NKAIN3: variants seen among roughly 807,000 people sequenced by gnomAD.
NKAIN3 encodes the protein sodium/potassium transporting ATPase interacting 3.
NKAIN3 carries 25 observed loss-of-function variants against 30.2 expected under a neutral mutation model. The observed-to-expected ratio is 0.83, with a 90% CI of 0.60 to 1.16. The LOEUF (loss-of-function observed/expected upper bound fraction) is 1.16, where lower values mean the gene tolerates loss of function less well. Ranked by LOEUF, NKAIN3 falls within the 50% of genes most tolerant of loss-of-function variation. The pLI is 0.00. For synonymous variants in NKAIN3, 91 were observed against 89.6 expected (o/e 1.02, Z -0.09); for missense variants, 225 against 254.1 (o/e 0.89, Z 0.78).
intron 1 of NKAIN3, among the ~76,000 whole-genome samples, chr8:62,325,663 A>G (rs1815092526): frequency 6.6e-6 from 1 of 151,964 alleles, no homozygotes; most frequent in African/African-American, 2.4e-5. Context: ...TGACTTTTTA[A>G]TTATGGTCAT....
At chr8:62,290,970 G>T (rs1297484367) in intron 1 of NKAIN3, among the ~76,000 whole-genome samples, 1 of 152,004 alleles carries the variant, frequency 6.6e-6, no homozygotes, top group Non-Finnish European at 1.5e-5. Context: ...GTCTTCGGAG[G>T]GTGTATGTGC....
At chr8:62,315,246 T>A (rs184342460) in intron 1 of NKAIN3, among the ~76,000 whole-genome samples, 128 of 152,316 alleles carry the variant, frequency 8.4e-4, no homozygotes, top group African/African-American at 2.8e-3. Context: ...AAGGCTCTTA[T>A]ATAGCAACTT....
intron 1 of NKAIN3, among the ~76,000 whole-genome samples, chr8:62,564,058 G>T (rs1195869248): frequency 6.6e-6 from 1 of 152,168 alleles, no homozygotes; most frequent in Non-Finnish European, 1.5e-5. Flanking sequence ...CTTCCATAGG[G>T]ATTCAAACAC....
chr8:62,909,309 T>A (rs1821867553), intron 4 of NKAIN3, among the ~76,000 whole-genome samples: 1 of 152,108 alleles, frequency 6.6e-6, no homozygotes, highest in Non-Finnish European at 1.5e-5. Flanking sequence ...ATTAAATATA[T>A]CAAAGAAGAT....
At chr8:62,716,392 A>G (rs1189349274) in intron 3 of NKAIN3, among the ~76,000 whole-genome samples, 1 of 152,180 alleles carries the variant, frequency 6.6e-6, no homozygotes, top group Non-Finnish European at 1.5e-5. Flanking sequence ...ATTTACACCT[A>G]CAAGATTTCT....
At chr8:62,372,186 C>A (rs1034280054) in intron 1 of NKAIN3, among the ~76,000 whole-genome samples, 1 of 151,182 alleles carries the variant, frequency 6.6e-6, no homozygotes, top group South Asian at 2.1e-4. Flanking sequence ...AATCTTTTGC[C>A]TTTATGTATA....
intron 5 of NKAIN3, among the ~76,000 whole-genome samples, chr8:62,933,539 T>C (rs1440061311): frequency 1.3e-5 from 2 of 152,240 alleles, no homozygotes; most frequent in Non-Finnish European, 2.9e-5. Context: ...TTAAGCCTCT[T>C]ACCTTTTGGA....
intron 1 of NKAIN3, among the ~76,000 whole-genome samples, chr8:62,381,851 G>A (rs1333681580): frequency 2.6e-5 from 4 of 152,070 alleles, no homozygotes; most frequent in African/African-American, 4.8e-5. Flanking sequence ...GCATGTATAG[G>A]CTACTTTTTC....
intron 3 of NKAIN3, among the ~76,000 whole-genome samples, chr8:62,739,776 T>C (rs1758837555): frequency 6.6e-6 from 1 of 152,158 alleles, no homozygotes; most frequent in Admixed American, 6.5e-5. Flanking sequence ...ATTGAAAAAT[T>C]CTAGCAATAC....
chr8:62,348,809 T>C (rs143397397), intron 1 of NKAIN3, among the ~76,000 whole-genome samples: 93 of 152,310 alleles, frequency 6.1e-4, no homozygotes, highest in African/African-American at 2.0e-3. Flanking sequence ...TATTTTTAAA[T>C]ATAAGAAAAA....
chr8:62,397,790 C>T (rs1263008917), intron 1 of NKAIN3, among the ~76,000 whole-genome samples: 1 of 152,094 alleles, frequency 6.6e-6, no homozygotes, highest in Non-Finnish European at 1.5e-5. Flanking sequence ...TCTTGTGCTA[C>T]TGTGGCAAAG....
intron 1 of NKAIN3, among the ~76,000 whole-genome samples, chr8:62,419,656 C>T (rs1030606357): frequency 7.2e-5 from 11 of 152,144 alleles, no homozygotes; most frequent in African/African-American, 2.2e-4. Context: ...TTTCTGTCTG[C>T]TCTCATGGCT....
At chr8:62,513,808 C>T (rs1807892770) in intron 1 of NKAIN3, among the ~76,000 whole-genome samples, 1 of 124,622 alleles carries the variant, frequency 8.0e-6, no homozygotes, top group Admixed American at 1.1e-4. Context: ...GAGGTCAAGG[C>T]TGCAGTTGCC....
At chr8:62,589,437 A>G (rs890684355) in intron 2 of NKAIN3, among the ~76,000 whole-genome samples, 1 of 151,746 alleles carries the variant, frequency 6.6e-6, no homozygotes, top group South Asian at 2.1e-4. Flanking sequence ...AACAGAAATC[A>G]AATCAACACT....
intron 4 of NKAIN3, among the ~76,000 whole-genome samples, chr8:62,852,369 C>T (rs1022266662): frequency 3.9e-4 from 59 of 152,072 alleles, no homozygotes; most frequent in Admixed American, 1.2e-3. Flanking sequence ...GTCTTGCTAG[C>T]GGGCTATCAA....
chr8:62,821,123 A>G (rs944935288), intron 4 of NKAIN3, among the ~76,000 whole-genome samples: 2 of 152,224 alleles, frequency 1.3e-5, no homozygotes, highest in Admixed American at 6.5e-5. Context: ...AATGATACCA[A>G]TAATTCCCTG....
chr8:62,842,306 G>A (rs539280377), intron 4 of NKAIN3, among the ~76,000 whole-genome samples: 87 of 152,064 alleles, frequency 5.7e-4, no homozygotes, highest in Middle Eastern at 3.4e-3. Flanking sequence ...ATTTAAATCA[G>A]AAGGTAAAAG....
intron 3 of NKAIN3, among the ~76,000 whole-genome samples, chr8:62,708,536 G>A (rs1374481975): frequency 6.6e-6 from 1 of 152,150 alleles, no homozygotes; most frequent in South Asian, 2.1e-4. Flanking sequence ...CACTATTGAT[G>A]TATAGAAGAG....
chr8:62,562,965 G>A (rs560027797), intron 1 of NKAIN3, among the ~76,000 whole-genome samples: 4 of 152,118 alleles, frequency 2.6e-5, no homozygotes, highest in Admixed American at 2.0e-4. Context: ...TGCCATTTAC[G>A]TAAAACCACT....
Sources: gnomAD v4.1 joint callset for allele counts (sites outside exome capture counted in the v4.1 genomes callset) on GRCh38, gnomAD v4.1.1 for gene constraint, MANE v1.5 for transcripts, NCBI Gene and HGNC (gene_info 2026-07-23, HGNC 2026-07-21) for gene names.